Variants in NAV1 observed in about 807,000 individuals in gnomAD.
NAV1 encodes the protein neuron navigator 1, also known as pore membrane and/or filament interacting like protein 3.
NAV1 carries 18 observed loss-of-function variants against 175.2 expected under a neutral mutation model. That is an observed-to-expected ratio of 0.10 (90% CI 0.07 to 0.15). The LOEUF (loss-of-function observed/expected upper bound fraction) is 0.15. Among genes scored for constraint, NAV1 ranks in the 10% least tolerant of loss-of-function variants. The probability of loss-of-function intolerance (pLI) is 1.00; values close to 1 mark genes in which losing one functional copy is unlikely to be tolerated. For synonymous variants in NAV1, 897 were observed against 978.7 expected (o/e 0.92, Z 1.56); for missense variants, 1,731 against 2,436.6 (o/e 0.71, Z 6.10).
intron 1 of NAV1, among the ~76,000 whole-genome samples, chr1:201,689,135 C>T (rs894304263): frequency 1.3e-5 from 2 of 152,202 alleles, no homozygotes; most frequent in Non-Finnish European, 2.9e-5. Context: ...AGAAGTCCTC[C>T]ACCTTTTTGT....
intron 17 of NAV1, 134 bp downstream of exon 21, chr1:201,804,631 A>G: frequency 2.4e-6 from 2 of 839,842 alleles, no homozygotes; most frequent in Non-Finnish European, 3.7e-6. Context: ...ACTAACTGTA[A>G]CAACCACCCA....
exon 9 of NAV1, chr1:201,786,465 G>A: frequency 6.2e-7 from 1 of 1,613,884 alleles, no homozygotes; most frequent in African/African-American, 1.3e-5. Flanking sequence ...CCAAGGAGAG[G>A]CGACATTCCC....
At chr1:201,564,476 G>A (rs1666298004) in intron 1 of NAV1, among the ~76,000 whole-genome samples, 1 of 152,188 alleles carries the variant, frequency 6.6e-6, no homozygotes. Flanking sequence ...TTAGCTGGGT[G>A]TGGTGACACA....
At chr1:201,804,541 G>GC (rs1678154442) in intron 17 of NAV1, 44 bp downstream of exon 21, 2 of 1,350,450 alleles carry the variant, frequency 1.5e-6, no homozygotes, top group Non-Finnish European at 2.0e-6. Flanking sequence ...CTTTCCCTTT[G>GC]CCATACCTTC....
At chr1:201,642,358 G>A (rs1481794671) in intron 2 of NAV1, among the ~76,000 whole-genome samples, 10 of 151,464 alleles carry the variant, frequency 6.6e-5, no homozygotes, top group East Asian at 2.0e-4. Flanking sequence ...GACTACAGTC[G>A]CCCGCCACCA....
chr1:201,797,425 T>TTG (rs1314855457), intron 15 of NAV1: 1 of 152,190 alleles, frequency 6.6e-6, no homozygotes, highest in African/African-American at 2.4e-5. Flanking sequence ...TACTGTAGCT[T>TTG]TGTAGTAAGT....
intron 2 of NAV1, among the ~76,000 whole-genome samples, chr1:201,606,399 C>T (rs374171403): frequency 3.3e-5 from 5 of 152,318 alleles, no homozygotes; most frequent in East Asian, 1.9e-4. Flanking sequence ...ACCCACCCAA[C>T]CATGCTATTT....
At chr1:201,711,872 G>A (rs539351705) in intron 1 of NAV1, among the ~76,000 whole-genome samples, 1 of 152,346 alleles carries the variant, frequency 6.6e-6, no homozygotes, top group Admixed American at 6.5e-5. Context: ...AAGGAAGGAA[G>A]AACATTCTTT....
chr1:201,763,876 C>A, intron 3 of NAV1, among the ~76,000 whole-genome samples: 1 of 152,194 alleles, frequency 6.6e-6, no homozygotes, highest in South Asian at 2.1e-4. Flanking sequence ...AAGCTGTTTG[C>A]AGGGCTGAAT....
chr1:201,623,372 A>G (rs569937179), exon 1 of NAV1: 2 of 985,928 alleles, frequency 2.0e-6, no homozygotes, highest in Non-Finnish European at 2.4e-6. Context: ...GGGGCTCCGG[A>G]AGGTCGGAAG....
At chr1:201,678,593 C>T (rs746898701) in intron 1 of NAV1, among the ~76,000 whole-genome samples, 21 of 152,116 alleles carry the variant, frequency 1.4e-4, no homozygotes, top group African/African-American at 3.6e-4. Flanking sequence ...GCCCCTTCAG[C>T]GAAGAAGAAA....
intron 2 of NAV1, among the ~76,000 whole-genome samples, chr1:201,602,484 G>A (rs1667545455): frequency 6.6e-6 from 1 of 152,086 alleles, no homozygotes; most frequent in African/African-American, 2.4e-5. Context: ...GAGATTACAG[G>A]TGTGTGCCAC....
At chr1:201,540,692 G>A (rs1299193131) in intron 1 of NAV1, among the ~76,000 whole-genome samples, 1 of 152,216 alleles carries the variant, frequency 6.6e-6, no homozygotes, top group Non-Finnish European at 1.5e-5. Flanking sequence ...GGGAGACAGA[G>A]GGAACAGCTC....
chr1:201,718,412 G>C lies in NAV1; in HGVS notation c.883G>C (p.Asp295His). 6.5e-7 allele frequency: 1 copy of C among 1,543,872 alleles called. No homozygotes were observed. The highest frequency in any genetic ancestry group is 8.8e-7 in the Non-Finnish European group (1 of 1,139,666). ...CAGCTCCCTGGAGATGACCTGCTAC[G>C]ACAGCGATGATGCCAACCCACGCAG... The change falls in exon 3 of 30, where the codon GAC becomes CAC. Residue 295 changes from aspartate to histidine, a missense_variant. Physicochemically the swap from Asp to His is moderately conservative, Grantham distance 81. Transcript: ENST00000367296. This position sits in a 1 kb window ranked among gnomAD's most constrained non-coding sequence, Gnocchi z 4.8.
chr1:201,779,745 A>C (rs1329889186), intron 3 of NAV1, among the ~76,000 whole-genome samples: 1 of 152,194 alleles, frequency 6.6e-6, no homozygotes, highest in Non-Finnish European at 1.5e-5. Flanking sequence ...GTTTAACAGC[A>C]GTATCTCCCT....
exon 4 of NAV1, chr1:201,780,498 G>C: frequency 6.2e-7 from 1 of 1,614,182 alleles, no homozygotes; most frequent in Non-Finnish European, 8.5e-7. Flanking sequence ...TTCAATGCCA[G>C]CTCCTCACTC....
Position 201,807,830 on chromosome 1 carries a change from G to T in NAV1, c.3649-123G>T, listed in dbSNP as rs1470405476. 2 of 879,340 alleles carry T rather than the reference G, an allele frequency of 2.3e-6. No individual in the cohort carries two copies. The highest frequency in any genetic ancestry group is 4.8e-5 in the East Asian group (2 of 41,378). The allele number at this position is 879,340 out of a possible 1,614,324, so 54.5% of individuals were successfully genotyped here. ...TGAATCAAGTGAAGTGTTATAGAGGGTGGCTTAATTAAAGTAAATCCCCCG... is the reference window on the plus strand; with the variant it reads ...TGAATCAAGTGAAGTGTTATAGAGGTTGGCTTAATTAAAGTAAATCCCCCG... On this transcript the variant is annotated intron_variant, in intron 17 of 29. Coordinates refer to ENST00000367296, the Ensembl canonical transcript of NAV1. This position sits in a 1 kb window ranked among gnomAD's most constrained non-coding sequence, Gnocchi z 5.4.
intron 1 of NAV1, among the ~76,000 whole-genome samples, chr1:201,710,761 C>T (rs1339735636): frequency 2.6e-5 from 4 of 152,208 alleles, no homozygotes; most frequent in Non-Finnish European, 5.9e-5. Flanking sequence ...GTTTTCTCAT[C>T]TGTTAAATGG....
At chr1:201,790,155 A>G (rs1055409660) in intron 11 of NAV1, among the ~76,000 whole-genome samples, 1 of 152,206 alleles carries the variant, frequency 6.6e-6, no homozygotes, top group African/African-American at 2.4e-5. Context: ...CCAGAACCCT[A>G]GAAGTGACCA....
Sources: gnomAD v4.1 joint callset for allele counts (sites outside exome capture counted in the v4.1 genomes callset) on GRCh38, gnomAD v4.1.1 for gene constraint, Gnocchi (gnomAD v3.1) non-coding constraint, MANE v1.5 for transcripts, NCBI Gene and HGNC (gene_info 2026-07-23, HGNC 2026-07-21) for gene names.